Variants in MCM10 observed in about 807,000 individuals in gnomAD.
MCM10 encodes the protein minichromosome maintenance 10 replication initiation factor.
Under a neutral mutation model 109.9 loss-of-function variants are expected in MCM10, and 91 were observed. That is an observed-to-expected ratio of 0.83 (90% CI 0.70 to 0.99). MCM10 has a LOEUF of 0.99. Ranked by LOEUF, MCM10 falls within the 50% of genes least tolerant of loss-of-function variation. MCM10 has a pLI of 0.00. For missense variants in MCM10, 1,077 were observed against 1,061.2 expected (o/e 1.01, Z -0.21); for synonymous variants, 380 against 387.2 (o/e 0.98, Z 0.22).
intron 2 of MCM10, among the ~76,000 whole-genome samples, chr10:13,168,987 A>G (rs1203768075): frequency 6.6e-6 from 1 of 152,244 alleles, no homozygotes; most frequent in East Asian, 1.9e-4. Context: ...GCACGGATGA[A>G]TACCTGCAGC....
At chr10:13,175,412 C>A (rs1834127782) in intron 5 of MCM10, 98 bp from the exon 6 acceptor site, 1 of 940,266 alleles carries the variant, frequency 1.1e-6, no homozygotes, top group South Asian at 1.4e-5. Context: ...CACAGTGAGT[C>A]CCTATCTCAA....
chr10:13,179,087 C>T (rs914152407), intron 6 of MCM10, among the ~76,000 whole-genome samples: 2 of 152,112 alleles, frequency 1.3e-5, no homozygotes, highest in Admixed American at 1.3e-4. Flanking sequence ...TTTATCAGTG[C>T]TAATAGTTTT....
At chr10:13,187,605 G>A (rs1834291729) in intron 9 of MCM10, among the ~76,000 whole-genome samples, 1 of 152,176 alleles carries the variant, frequency 6.6e-6, no homozygotes, top group Non-Finnish European at 1.5e-5. Flanking sequence ...GTTTCTCCCT[G>A]TCCTCATCAG....
At position 13,209,463 on chromosome 10, in the gene MCM10, A is replaced by G. The variant is rs1471258891; in HGVS notation, c.*153A>G. 4 of 647,612 alleles carry G rather than the reference A, an allele frequency of 6.2e-6. No individual in the cohort carries two copies. The Admixed American group carries it at 1.1e-4, about 19-fold the overall frequency. 40.1% of individuals were successfully genotyped at this position (647,612 alleles called of 1,614,324 possible). ...AAGCTTTGCCTGCTTACTTTCTGCC[A>G]TTGGGTTGGTTTGATACCACATTTA... On this transcript the variant is annotated 3_prime_UTR_variant, in exon 20 of 20. Transcript: ENST00000378714.
intron 13 of MCM10, 148 bp downstream of exon 13, chr10:13,192,716 A>C: frequency 1.4e-6 from 1 of 691,178 alleles, no homozygotes; most frequent in Non-Finnish European, 2.5e-6. Context: ...CCATAACCTG[A>C]ATAGCATTTA....
At position 13,183,022 on chromosome 10, in the gene MCM10, G is replaced by T. The variant is rs780608110; in HGVS notation, c.1020G>T (p.Ala340=). 1 of 1,614,164 alleles carries T rather than the reference G, an allele frequency of 6.2e-7. No individual in the cohort carries two copies. Among genetic ancestry groups the T allele is most frequent in the Admixed American group, 1.7e-5 (1 of 60,026 alleles). The change falls in exon 8 of 20, where the codon GCG becomes GCT. Residue 340 remains alanine, a synonymous_variant. Transcript: ENST00000378714. ...TCTTATTTGGAGAAGTTCACAAAGC[G>T]CTCTGGAAGACGGAGCAGGGGACTG... ...SLFLFGEVHK[A]LWKTEQGTVV...
At chr10:13,188,131 C>T (rs550464605) in intron 9 of MCM10, among the ~76,000 whole-genome samples, 8 of 151,942 alleles carry the variant, frequency 5.3e-5, no homozygotes, top group Admixed American at 1.3e-4. Flanking sequence ...GGTGACAGAG[C>T]GAGACTCTGT....
chr10:13,182,884 A>G lies in MCM10; in HGVS notation c.931-49A>G. ...TAAAACTCTTGAATCATAAATGAGG[A>G]CGGCATAACCTACAGTTCAAAATTA... On this transcript the variant is annotated intron_variant, in intron 7 of 19. Coordinates refer to ENST00000378714, the MANE Select transcript of MCM10 (RefSeq NM_018518.5). This position sits in a 1 kb window ranked among gnomAD's most constrained non-coding sequence, Gnocchi z 4.2. 1 of 1,424,782 alleles carries G rather than the reference A, an allele frequency of 7.0e-7. No homozygotes were observed. The highest frequency in any genetic ancestry group is 9.7e-7 in the Non-Finnish European group (1 of 1,029,812). The allele number at this position is 1,424,782 out of a possible 1,614,324, so 88.3% of individuals were successfully genotyped here. A position where few individuals can be genotyped will look rare whatever the true frequency, so the allele number is the denominator to read the frequency against.
chr10:13,184,361 C>T (rs544783727), intron 8 of MCM10, among the ~76,000 whole-genome samples: 1 of 152,270 alleles, frequency 6.6e-6, no homozygotes, highest in South Asian at 2.1e-4. Context: ...GGATTTTGCT[C>T]CGTTGACTGT....
chr10:13,164,822 G>C (rs1833973112), intron 2 of MCM10, among the ~76,000 whole-genome samples: 1 of 152,138 alleles, frequency 6.6e-6, no homozygotes, highest in Non-Finnish European at 1.5e-5. Flanking sequence ...ACTTTGGGAG[G>C]CCGGGGTGGG....
At chr10:13,176,073 C>G (rs922309724) in intron 6 of MCM10, among the ~76,000 whole-genome samples, 2 of 152,088 alleles carry the variant, frequency 1.3e-5, no homozygotes. Flanking sequence ...TGCAATTAAG[C>G]AATTACTGGA....
intron 8 of MCM10, among the ~76,000 whole-genome samples, chr10:13,184,577 A>T (rs1449836352): frequency 2.6e-5 from 4 of 152,172 alleles, no homozygotes; most frequent in Non-Finnish European, 5.9e-5. Flanking sequence ...GAAAAATGTT[A>T]TCTCATTCCT....
At chr10:13,174,838 G>A (rs10752288) in intron 5 of MCM10, among the ~76,000 whole-genome samples, 128,867 of 152,144 alleles carry the variant, frequency 0.85, 54,780 homozygotes, top group South Asian at 0.91. Flanking sequence ...TTAAAAAAGG[G>A]ACAATCCTGG....
intron 13 of MCM10, among the ~76,000 whole-genome samples, chr10:13,194,133 G>A (rs1222374220): frequency 6.6e-6 from 1 of 152,188 alleles, no homozygotes; most frequent in Non-Finnish European, 1.5e-5. Flanking sequence ...GGAGGCCGAG[G>A]CAGGCAGATC....
At chr10:13,194,038 G>T (rs1246247028) in intron 13 of MCM10, among the ~76,000 whole-genome samples, 2 of 151,924 alleles carry the variant, frequency 1.3e-5, no homozygotes, top group Non-Finnish European at 2.9e-5. Context: ...GTTTGGACTA[G>T]ATGATTTCTG....
At chr10:13,198,134 G>C (rs955216135) in intron 15 of MCM10, among the ~76,000 whole-genome samples, 69 of 151,940 alleles carry the variant, frequency 4.5e-4, no homozygotes, top group African/African-American at 1.6e-3. Flanking sequence ...GGATGGCCTC[G>C]ATCTCTTGAC....
chr10:13,162,035 A>C (rs527918519), intron 1 of MCM10, among the ~76,000 whole-genome samples: 1 of 152,306 alleles, frequency 6.6e-6, no homozygotes, highest in Admixed American at 6.5e-5. Context: ...GCAGGTAGTA[A>C]ACAAATGCAC....
chr10:13,198,561 C>CG (rs1834453239), intron 15 of MCM10, 128 bp from the exon 16 acceptor site: 2 of 670,298 alleles, frequency 3.0e-6, no homozygotes, highest in Admixed American at 4.5e-5. Context: ...CTGGGACCAG[C>CG]GGGGGTAGGT....
At chr10:13,166,649 A>ACAT (rs1554773845) in intron 2 of MCM10, among the ~76,000 whole-genome samples, 5 of 41,508 alleles carry the variant, frequency 1.2e-4, no homozygotes, top group African/African-American at 3.1e-4. Context: ...AAAAAAAAAA[A>ACAT]ATACATACAT....
Sources: gnomAD v4.1 joint callset for allele counts (sites outside exome capture counted in the v4.1 genomes callset) on GRCh38, gnomAD v4.1.1 for gene constraint, Gnocchi (gnomAD v3.1) non-coding constraint, MANE v1.5 for transcripts, NCBI Gene and HGNC (gene_info 2026-07-23, HGNC 2026-07-21) for gene names.